OPRPN: variants seen among roughly 807,000 people sequenced by gnomAD.
The protein encoded by OPRPN is opiorphin prepropeptide, also known as basic proline-rich lacrimal protein.
OPRPN carries 1 observed loss-of-function variant against 2.2 expected under a neutral mutation model. The ratio of observed to expected loss-of-function variants is 0.45; its 90% confidence interval spans 0.16 to 2.15. The LOEUF (loss-of-function observed/expected upper bound fraction) is 2.15. Ranked by LOEUF, OPRPN falls within the 30% of genes most tolerant of loss-of-function variation. The pLI is 0.28. For synonymous variants in OPRPN, 126 were observed against 111.5 expected (o/e 1.13, Z -0.82); for missense variants, 306 against 297.3 (o/e 1.03, Z -0.21).
rs775670402 is a variant in OPRPN at position 70,409,445 on chromosome 4, C to G, written c.117C>G (p.Leu39=). The change falls in exon 3 of 3, where the codon CTC becomes CTG. Residue 39 remains leucine, a synonymous_variant. Transcript: ENST00000399575. ...YLPGQLPPPP[L]YRPRWVPPSP... ...CTGGCCAGCTGCCACCACCTCCACT[C>G]TACAGGCCAAGATGGGTTCCACCAA... 2.5e-6 allele frequency: 4 copies of G among 1,614,094 alleles called. No individual in the cohort carries two copies. Among genetic ancestry groups the G allele is most frequent in the Non-Finnish European group, 3.4e-6 (4 of 1,179,982 alleles).
intron 2 of OPRPN, among the ~76,000 whole-genome samples, chr4:70,406,660 A>C (rs974816160): frequency 2.0e-5 from 3 of 152,162 alleles, no homozygotes; most frequent in African/African-American, 7.2e-5. Flanking sequence ...TACCAAAAAG[A>C]GCTCGTTATG....
At chr4:70,403,985 T>A (rs533157001) in intron 2 of OPRPN, among the ~76,000 whole-genome samples, 1 of 152,250 alleles carries the variant, frequency 6.6e-6, no homozygotes, top group East Asian at 1.9e-4. Context: ...TGAGGTAATA[T>A]CATTTATATG....
At chr4:70,402,270 C>T (rs1423796463) in intron 2 of OPRPN, among the ~76,000 whole-genome samples, 1 of 152,072 alleles carries the variant, frequency 6.6e-6, no homozygotes, top group Non-Finnish European at 1.5e-5. Context: ...TCAGGTGATA[C>T]TGGTGCTGAT....
intron 2 of OPRPN, chr4:70,399,568 G>A (rs1317384060): frequency 2.4e-6 from 1 of 412,776 alleles, no homozygotes; most frequent in Non-Finnish European, 4.4e-6. Context: ...CACAGGGCAG[G>A]TAGTATCTAG....
chr4:70,404,225 T>A (rs1294289488), intron 2 of OPRPN, among the ~76,000 whole-genome samples: 1 of 152,190 alleles, frequency 6.6e-6, no homozygotes, highest in Non-Finnish European at 1.5e-5. Context: ...TTTGACATGA[T>A]CAGTCTCCTA....
rs749278263 is a variant in OPRPN at position 70,410,079 on chromosome 4, T to G, written c.*4T>G. 93 of 1,526,986 alleles carry G rather than the reference T, an allele frequency of 6.1e-5. No individual in the cohort carries two copies. Among genetic ancestry groups the G allele is most frequent in the Non-Finnish European group, 8.1e-5 (92 of 1,136,664 alleles). 94.6% of individuals were successfully genotyped at this position (1,526,986 alleles called of 1,614,324 possible). On this transcript the variant is annotated 3_prime_UTR_variant, in exon 3 of 3. Coordinates refer to ENST00000399575, the MANE Select transcript of OPRPN (RefSeq NM_021225.5). The stretch of plus-strand genomic sequence containing the variant: ...ACTCTTTGCCATTTTTGGTTGAACA[T>G]GCAATAAATGATATTTTCCAAACTG...
intron 2 of OPRPN, among the ~76,000 whole-genome samples, chr4:70,408,861 C>T (rs1733146336): frequency 6.6e-6 from 1 of 152,184 alleles, no homozygotes; most frequent in Non-Finnish European, 1.5e-5. Context: ...TTATATCTTC[C>T]ACTGATTTCA....
intron 2 of OPRPN, among the ~76,000 whole-genome samples, chr4:70,405,329 C>T (rs1560533521): frequency 6.6e-6 from 1 of 152,134 alleles, no homozygotes; most frequent in Non-Finnish European, 1.5e-5. Flanking sequence ...GAATGGAGAT[C>T]AGGGGTCAGC....
In OPRPN at chr4:70,409,377, C is replaced by A; in HGVS notation, c.52-3C>A. On this transcript the variant is annotated splice_region_variant and splice_polypyrimidine_tract_variant and intron_variant, in intron 2 of 2. Coordinates refer to ENST00000399575, the MANE Select transcript of OPRPN (RefSeq NM_021225.5). The stretch of plus-strand genomic sequence containing the variant: ...TTTTTTACCTTTGTTTTTATCTCCA[C>A]AGCCCAGTGAGAGTCAAAGATTCTC... 6.3e-7 allele frequency: 1 copy of A among 1,586,602 alleles called. No homozygotes were observed. Among genetic ancestry groups the A allele is most frequent in the Non-Finnish European group, 8.6e-7 (1 of 1,168,802 alleles).
At chr4:70,405,743 G>C (rs1485423961) in intron 2 of OPRPN, among the ~76,000 whole-genome samples, 1 of 152,014 alleles carries the variant, frequency 6.6e-6, no homozygotes, top group Non-Finnish European at 1.5e-5. Flanking sequence ...TTTCATTTGA[G>C]TCCACATTCA....
intron 1 of OPRPN, among the ~76,000 whole-genome samples, chr4:70,398,832 G>T (rs910396363): frequency 6.6e-6 from 1 of 151,794 alleles, no homozygotes; most frequent in Non-Finnish European, 1.5e-5. Context: ...ATTGTATTAA[G>T]AAGTTATTTT....
Position 70,408,593 on chromosome 4 carries a change from C to G in OPRPN, c.52-787C>G, listed in dbSNP as rs116588492. Among the ~76,000 whole-genome samples the G allele has an allele frequency of 7.8e-3, 1,184 of 152,286 alleles. 13 individuals are homozygous for G. The highest frequency in any genetic ancestry group is 0.027 in the African/African-American group (1,126 of 41,576). On this transcript the variant is annotated intron_variant, in intron 2 of 2. Transcript: ENST00000399575. ...TATACTGAGCCCTTACTCTACCTTA[C>G]TATGTCTAAGCACTTTACATAGATT...
chr4:70,399,266 T>G lies in OPRPN; in HGVS notation c.-15-5T>G, dbSNP rs1204945370. On this transcript the variant is annotated splice_polypyrimidine_tract_variant and splice_region_variant and intron_variant, in intron 1 of 2. Transcript: ENST00000399575. ...AACTGTGGATAATCTTTGGCCTGTT[T>G]GTAGGAGCAACTTTAAAGAATGAAA... 2 of 1,594,386 alleles carry G rather than the reference T, an allele frequency of 1.3e-6. No individual in the cohort carries two copies. The highest frequency in any genetic ancestry group is 2.2e-5 in the East Asian group (1 of 44,702).
intron 2 of OPRPN, among the ~76,000 whole-genome samples, chr4:70,406,113 T>C (rs1037024189): frequency 2.0e-5 from 3 of 151,974 alleles, no homozygotes; most frequent in African/African-American, 4.8e-5. Flanking sequence ...AAACTGGAGA[T>C]AGAATGATAA....
chr4:70,406,155 T>A (rs895847770), intron 2 of OPRPN, among the ~76,000 whole-genome samples: 1 of 152,204 alleles, frequency 6.6e-6, no homozygotes, highest in African/African-American at 2.4e-5. Context: ...AAGAAGTTAA[T>A]AATTACTACA....
chr4:70,410,146 G>T lies in OPRPN; in HGVS notation c.*71G>T. ...GAAATAAACTGCAATGATTTTGATGGAACCAACCCTGATCTAACCAGCACA... is the reference window on the plus strand; with the variant it reads ...GAAATAAACTGCAATGATTTTGATGTAACCAACCCTGATCTAACCAGCACA... On this transcript the variant is annotated 3_prime_UTR_variant, in exon 3 of 3. Transcript: ENST00000399575. 2 of 1,197,580 alleles carry T rather than the reference G, an allele frequency of 1.7e-6. No homozygotes were observed. The highest frequency in any genetic ancestry group is 1.5e-5 in the South Asian group (1 of 65,276). The allele number at this position is 1,197,580 out of a possible 1,614,324, so 74.2% of individuals were successfully genotyped here.
intron 2 of OPRPN, among the ~76,000 whole-genome samples, chr4:70,406,857 C>A (rs1437568891): frequency 1.3e-5 from 2 of 152,086 alleles, no homozygotes; most frequent in Admixed American, 1.3e-4. Flanking sequence ...TTTATTCTTG[C>A]ATTGACTTCC....
At chr4:70,403,692 A>T (rs192662301) in intron 2 of OPRPN, among the ~76,000 whole-genome samples, 43 of 152,202 alleles carry the variant, frequency 2.8e-4, no homozygotes, top group African/African-American at 9.2e-4. Context: ...AGTAACAGAG[A>T]GGTTACATAA....
At chr4:70,399,600 G>A (rs1359283104) in intron 2 of OPRPN, 2 of 284,586 alleles carry the variant, frequency 7.0e-6, no homozygotes, top group South Asian at 1.4e-4. Context: ...CTTATCTAGA[G>A]ATATCTCTTC....
Sources: gnomAD v4.1 joint callset for allele counts (sites outside exome capture counted in the v4.1 genomes callset) on GRCh38, gnomAD v4.1.1 for gene constraint, MANE v1.5 for transcripts, NCBI Gene and HGNC (gene_info 2026-07-23, HGNC 2026-07-21) for gene names.